MPRIP: variants seen among roughly 807,000 people sequenced by gnomAD.
MPRIP encodes the protein myosin phosphatase Rho interacting protein.
A neutral mutation model predicts 234.9 loss-of-function variants in MPRIP; 59 were observed. The observed-to-expected ratio is 0.25, with a 90% CI of 0.20 to 0.31. The LOEUF is 0.31. MPRIP is among the 10% of genes least tolerant of loss of function. The pLI, the probability that MPRIP is intolerant of heterozygous loss-of-function variation, is 1.00. For synonymous variants in MPRIP, 1,144 were observed against 1,263.9 expected, an observed-to-expected ratio of 0.91 and a Z score of 2.01; for missense variants, 2,436 against 3,071.0, an observed-to-expected ratio of 0.79 and a Z score of 4.89.
chr17:17,164,136 G>A lies in MPRIP; in HGVS notation c.2545G>A (p.Ala849Thr), dbSNP rs1398409341. 7.7e-7 allele frequency: 1 copy of A among 1,304,102 alleles called. No individual in the cohort carries two copies. The highest frequency in any genetic ancestry group is 1.5e-5 in the African/African-American group (1 of 65,844). 80.8% of individuals were successfully genotyped at this position (1,304,102 alleles called of 1,614,324 possible). A position where few individuals can be genotyped will look rare whatever the true frequency, so the allele number is the denominator to read the frequency against. Residue 849 changes from alanine to threonine, a missense_variant, in exon 16 of 24, where the codon GCC becomes ACC. This residue lies in a region of MPRIP where 1,998 missense variants were observed against 2,520.3 expected (regional missense o/e 0.79). Coordinates refer to ENST00000651222, the MANE Select transcript of MPRIP (RefSeq NM_001364716.4). ...TGAAGTGGCCGCCTCCCCATCGGGT[G>A]CCTGGCAGAGGCTCCATAGAGTCAA... The part of the protein sequence containing the change: ...QTEVAASPSG[A>T]WQRLHRVNQD...
chr17:17,142,956 G>A (rs1042180005), intron 8 of MPRIP, among the ~76,000 whole-genome samples, 191 bp downstream of exon 8: 11 of 152,254 alleles, frequency 7.2e-5, no homozygotes, highest in Admixed American at 1.3e-4. Flanking sequence ...AGCCTTCTCC[G>A]TCTCTGCTGA....
chr17:17,124,233 C>T (rs536275862), intron 3 of MPRIP, among the ~76,000 whole-genome samples: 6 of 152,248 alleles, frequency 3.9e-5, no homozygotes, highest in South Asian at 2.1e-4. Flanking sequence ...ACAATTACTG[C>T]GTAAGAGGGA....
At chr17:17,048,677 G>C (rs1193890243) in intron 1 of MPRIP, among the ~76,000 whole-genome samples, 3 of 152,134 alleles carry the variant, frequency 2.0e-5, no homozygotes, top group African/African-American at 7.2e-5. Flanking sequence ...AAAAAAATAA[G>C]AATATAACAT....
chr17:17,116,196 C>T (rs2090282690), intron 3 of MPRIP, among the ~76,000 whole-genome samples: 1 of 152,126 alleles, frequency 6.6e-6, no homozygotes, highest in Non-Finnish European at 1.5e-5. Flanking sequence ...TTATCAGGCA[C>T]CTTGTGGCTT....
chr17:17,084,856 GA>G (rs1024970436), intron 3 of MPRIP, among the ~76,000 whole-genome samples: 4 of 152,216 alleles, frequency 2.6e-5, no homozygotes, highest in Non-Finnish European at 5.9e-5. Context: ...ATGGGCATAT[GA>G]ATATATATTC....
At chr17:17,153,260 T>C (rs1407490955) in intron 12 of MPRIP, among the ~76,000 whole-genome samples, 1 of 152,138 alleles carries the variant, frequency 6.6e-6, no homozygotes, top group Non-Finnish European at 1.5e-5. Context: ...CTGTTTTGGC[T>C]TCTGGCCAGG....
intron 4 of MPRIP, 36 bp downstream of exon 4, chr17:17,126,889 A>AC: frequency 6.3e-7 from 1 of 1,583,340 alleles, no homozygotes; most frequent in South Asian, 1.2e-5. Context: ...AGGCACCACC[A>AC]CCTGCCACAG....
intron 12 of MPRIP, among the ~76,000 whole-genome samples, chr17:17,150,859 T>C (rs1281673792): frequency 6.6e-6 from 1 of 151,738 alleles, no homozygotes; most frequent in Non-Finnish European, 1.5e-5. Flanking sequence ...TCTTTTTTTT[T>C]CCCCCAAGAC....
In MPRIP at chr17:17,190,717, T is replaced by C. The variant is rs2046570414; in HGVS notation, c.*5823T>C. On this transcript the variant is annotated 3_prime_UTR_variant, in exon 24 of 24. Transcript: ENST00000651222. ...GGTAGGGGAGTCAGTAGCTCAACAC[T>C]AGATCATCCCTAGAGATGGGGCAAG... 6.6e-6 allele frequency: 1 copy of C among 152,120 alleles called. No homozygotes were observed. Among genetic ancestry groups the C allele is most frequent in the African/African-American group, 2.4e-5 (1 of 41,414 alleles). The allele number at this position is 152,120 out of a possible 1,614,324, so 9.4% of individuals were successfully genotyped here.
At chr17:17,050,499 G>T (rs1000497528) in intron 1 of MPRIP, among the ~76,000 whole-genome samples, 5 of 152,040 alleles carry the variant, frequency 3.3e-5, no homozygotes, top group African/African-American at 1.2e-4. Context: ...TGTGGCCGCT[G>T]CCCGCAGTCC....
chr17:17,066,783 G>GCCC (rs1317398011), intron 1 of MPRIP, among the ~76,000 whole-genome samples: 2 of 104,314 alleles, frequency 1.9e-5, no homozygotes, highest in African/African-American at 7.3e-5. Context: ...ACAGTGTCTT[G>GCCC]CCCTGCCCTG....
chr17:17,108,310 G>T (rs770930686), intron 3 of MPRIP, among the ~76,000 whole-genome samples: 14 of 152,210 alleles, frequency 9.2e-5, no homozygotes, highest in Non-Finnish European at 1.9e-4. Flanking sequence ...CCAGCAAAAA[G>T]CTGTAAGTGA....
intron 3 of MPRIP, among the ~76,000 whole-genome samples, chr17:17,082,462 A>T (rs1041031404): frequency 6.6e-6 from 1 of 151,248 alleles, no homozygotes; most frequent in African/African-American, 2.4e-5. Flanking sequence ...TGCCCAGCTA[A>T]TTTTGTATTT....
chr17:17,166,402 C>T lies in MPRIP; in HGVS notation c.4811C>T (p.Pro1604Leu), dbSNP rs980754207. The change falls in exon 16 of 24, where the codon CCG (proline) becomes CTG (leucine). Residue 1604 changes from proline to leucine, a missense_variant. Coordinates refer to ENST00000651222, the MANE Select transcript of MPRIP (RefSeq NM_001364716.4). The surrounding 1 kb of genome is among the most constrained non-coding windows in gnomAD (Gnocchi z 4.4). ...GAGATTTCTTGGTCAGGACAGCCACCGATGGAATCTGCTGGGGCCCCCGTA... is the reference window on the plus strand; with the variant it reads ...GAGATTTCTTGGTCAGGACAGCCACTGATGGAATCTGCTGGGGCCCCCGTA... The part of the protein sequence containing the change: ...LHEISWSGQP[P>L]MESAGAPVDT... The T allele has an allele frequency of 1.6e-5, 21 of 1,304,376 alleles. No individual in the cohort carries two copies. The highest frequency in any genetic ancestry group is 5.5e-5 in the East Asian group (1 of 18,038). The allele number at this position is 1,304,376 out of a possible 1,614,324, so 80.8% of individuals were successfully genotyped here.
At chr17:17,080,055 G>A (rs2089427501) in intron 3 of MPRIP, among the ~76,000 whole-genome samples, 1 of 152,216 alleles carries the variant, frequency 6.6e-6, no homozygotes, top group Non-Finnish European at 1.5e-5. Flanking sequence ...GAGGGCATGG[G>A]GGCAGGCCCA....
At chr17:17,154,281 ATG>A in intron 12 of MPRIP, 23 bp from the exon 13 acceptor site, 1 of 1,606,900 alleles carries the variant, frequency 6.2e-7, no homozygotes, top group South Asian at 1.1e-5. Flanking sequence ...ACAGTCACTG[ATG>A]GTGCCTCATC....
chr17:17,049,280 C>G (rs1184120874), intron 1 of MPRIP, among the ~76,000 whole-genome samples: 1 of 152,188 alleles, frequency 6.6e-6, no homozygotes, highest in Non-Finnish European at 1.5e-5. Flanking sequence ...GGTTGCACAG[C>G]CTTGTGAAAT....
chr17:17,169,678 C>G (rs1000949912), intron 16 of MPRIP, among the ~76,000 whole-genome samples: 2 of 152,274 alleles, frequency 1.3e-5, no homozygotes, highest in African/African-American at 4.8e-5. Context: ...GTGTTCTCAC[C>G]CACCCCTGCA....
At chr17:17,168,582 C>T (rs942540120) in intron 16 of MPRIP, 7 of 343,718 alleles carry the variant, frequency 2.0e-5, no homozygotes, top group East Asian at 7.9e-5. Flanking sequence ...AGCACAAAGG[C>T]GAAATGCCAG....
Sources: allele counts gnomAD v4.1 joint callset (sites outside exome capture counted in the v4.1 genomes callset), GRCh38; gene constraint gnomAD v4.1.1; regional missense constraint gnomAD v4.1.1; non-coding constraint Gnocchi (gnomAD v3.1); transcripts MANE v1.5; gene names NCBI Gene and HGNC (gene_info 2026-07-23, HGNC 2026-07-21).